HSD17B12: variants seen among roughly 807,000 people sequenced by gnomAD.
HSD17B12 encodes very-long-chain 3-oxoacyl-CoA reductase.
HSD17B12 carries 32 observed loss-of-function variants against 39.3 expected under a neutral mutation model. The observed-to-expected ratio is 0.81, with a 90% confidence interval of 0.61 to 1.09. HSD17B12 has a LOEUF of 1.09. HSD17B12 is among the 50% of genes least tolerant of loss of function. The pLI, the probability that HSD17B12 is intolerant of heterozygous loss-of-function variation, is 0.00. For missense variants in HSD17B12, 342 were observed against 382.9 expected, an observed-to-expected ratio of 0.89 and a Z score of 0.89; for synonymous variants, 150 against 146.7, an observed-to-expected ratio of 1.02 and a Z score of -0.16.
intron 4 of HSD17B12, among the ~76,000 whole-genome samples, chr11:43,799,873 A>T (rs1219415969): frequency 6.6e-6 from 1 of 152,138 alleles, no homozygotes; most frequent in East Asian, 1.9e-4. Flanking sequence ...TTCACATGCT[A>T]TCCTTTCCCA....
chr11:43,655,563 A>T, the HSD17B12 span, among the ~76,000 whole-genome samples: 13 of 152,158 alleles, frequency 8.5e-5, no homozygotes, highest in Admixed American at 8.5e-4. Context: ...AGCTCTTATT[A>T]TTTTGAGATA....
the HSD17B12 span, among the ~76,000 whole-genome samples, chr11:43,610,961 C>T: frequency 6.6e-6 from 1 of 152,164 alleles, no homozygotes; most frequent in African/African-American, 2.4e-5. Flanking sequence ...CCTGGCAGAC[C>T]ATGAGCACAT....
chr11:43,582,670 G>T, the HSD17B12 span, among the ~76,000 whole-genome samples: 1 of 152,060 alleles, frequency 6.6e-6, no homozygotes, highest in Non-Finnish European at 1.5e-5. Flanking sequence ...CAAACTAAAC[G>T]CCCACCGTCA....
At chr11:43,788,445 C>T (rs539969201) in intron 3 of HSD17B12, among the ~76,000 whole-genome samples, 25 of 152,064 alleles carry the variant, frequency 1.6e-4, no homozygotes, top group African/African-American at 6.0e-4. Context: ...CATTTTATAA[C>T]CCTTGTGTTC....
At chr11:43,694,250 G>GT (rs1233720853) in intron 1 of HSD17B12, among the ~76,000 whole-genome samples, 2 of 152,182 alleles carry the variant, frequency 1.3e-5, no homozygotes, top group Non-Finnish European at 2.9e-5. Context: ...TACACAGATA[G>GT]TAAGTAGCAG....
chr11:43,711,012 C>A (rs932262442), intron 1 of HSD17B12, among the ~76,000 whole-genome samples: 1 of 152,102 alleles, frequency 6.6e-6, no homozygotes, highest in Non-Finnish European at 1.5e-5. Flanking sequence ...AGGCTGGTCT[C>A]GAACTCCTGA....
intron 1 of HSD17B12, among the ~76,000 whole-genome samples, chr11:43,706,509 C>T (rs1950016417): frequency 6.6e-6 from 1 of 152,148 alleles, no homozygotes; most frequent in Non-Finnish European, 1.5e-5. Flanking sequence ...CATCACTGCA[C>T]TCTAGCCTGG....
chr11:43,661,283 C>T, the HSD17B12 span, among the ~76,000 whole-genome samples: 6,695 of 152,190 alleles, frequency 0.044, 201 homozygotes, highest in Non-Finnish European at 0.063. Context: ...ACAGCAGAAT[C>T]AGTGGTTATG....
intron 6 of HSD17B12, among the ~76,000 whole-genome samples, chr11:43,818,914 A>G (rs1951155501): frequency 6.6e-6 from 1 of 152,208 alleles, no homozygotes; most frequent in African/African-American, 2.4e-5. Context: ...GATCAAAAAT[A>G]TCACTTTTAG....
the HSD17B12 span, among the ~76,000 whole-genome samples, chr11:43,638,218 C>G: frequency 6.6e-6 from 1 of 152,070 alleles, no homozygotes; most frequent in Non-Finnish European, 1.5e-5. Context: ...TGGTACAACC[C>G]CCTCATTTTA....
intron 1 of HSD17B12, among the ~76,000 whole-genome samples, chr11:43,691,470 C>T (rs1226756275): frequency 1.3e-5 from 2 of 152,186 alleles, no homozygotes; most frequent in African/African-American, 4.8e-5. Context: ...TCATGCTTTC[C>T]TTTGCACATC....
intron 1 of HSD17B12, among the ~76,000 whole-genome samples, chr11:43,690,696 G>A (rs1052406718): frequency 3.3e-5 from 5 of 151,830 alleles, no homozygotes; most frequent in African/African-American, 1.2e-4. Flanking sequence ...ACCTCAGGAC[G>A]AAGTTCTCCT....
chr11:43,790,680 C>T (rs1238947899), intron 3 of HSD17B12, among the ~76,000 whole-genome samples: 2 of 152,146 alleles, frequency 1.3e-5, no homozygotes, highest in Non-Finnish European at 2.9e-5. Flanking sequence ...ATTAGAATGG[C>T]GTGCAATTTA....
chr11:43,743,027 A>T (rs1247960035), intron 1 of HSD17B12, among the ~76,000 whole-genome samples: 1 of 152,190 alleles, frequency 6.6e-6, no homozygotes, highest in Non-Finnish European at 1.5e-5. Context: ...CTAATATCGA[A>T]TGTGGACCAT....
chr11:43,594,221 G>A, the HSD17B12 span, among the ~76,000 whole-genome samples: 1 of 152,024 alleles, frequency 6.6e-6, no homozygotes, highest in African/African-American at 2.4e-5. Context: ...ATTTAAAAAT[G>A]TCCTGAATGA....
At chr11:43,583,645 A>C in the HSD17B12 span, among the ~76,000 whole-genome samples, 1 of 149,828 alleles carries the variant, frequency 6.7e-6, no homozygotes, top group Admixed American at 6.6e-5. Flanking sequence ...CTCCCTCTCT[A>C]CCCATTTTGC....
At chr11:43,715,791 T>C (rs1950116734) in intron 1 of HSD17B12, among the ~76,000 whole-genome samples, 1 of 152,182 alleles carries the variant, frequency 6.6e-6, no homozygotes, top group South Asian at 2.1e-4. Context: ...CCAGTGTGAC[T>C]GACGAACTGA....
At position 43,742,614 on chromosome 11, in the gene HSD17B12, A is replaced by G. The variant is rs185936327; in HGVS notation, c.161-8297A>G. Among the ~76,000 whole-genome samples the G allele has an allele frequency of 1.8e-4, 28 of 152,156 alleles. No homozygotes were observed. The East Asian group carries it at 3.5e-3, about 19-fold the overall frequency. Reference sequence around the variant, plus strand: ...CCCATCATGTAACTTGTAGATCTAAAGGCTTTGTCATTTCCTTTGCTGGGG... The same window carrying G: ...CCCATCATGTAACTTGTAGATCTAAGGGCTTTGTCATTTCCTTTGCTGGGG... On this transcript the variant is annotated intron_variant, in intron 1 of 10. Transcript: ENST00000278353.
chr11:43,671,043 C>T, the HSD17B12 span, among the ~76,000 whole-genome samples: 1 of 152,162 alleles, frequency 6.6e-6, no homozygotes, highest in South Asian at 2.1e-4. Context: ...GTAAAGAAAA[C>T]CTCCTCAAAT....
Sources: allele counts gnomAD v4.1 joint callset (sites outside exome capture counted in the v4.1 genomes callset), GRCh38; gene constraint gnomAD v4.1.1; transcripts MANE v1.5; gene names NCBI Gene and HGNC (gene_info 2026-07-23, HGNC 2026-07-21).